The following SERPINE2 variants were observed in gnomAD, a reference collection of about 807,000 sequenced individuals.
SERPINE2 encodes the protein glia-derived nexin.
SERPINE2 carries 14 observed loss-of-function variants against 36.3 expected under a neutral mutation model. The ratio of observed to expected loss-of-function variants is 0.39; its 90% CI spans 0.25 to 0.60. SERPINE2 has a LOEUF of 0.60. Ranked by LOEUF, SERPINE2 falls within the 20% of genes least tolerant of loss-of-function variation. SERPINE2 has a pLI of 0.57. For synonymous variants in SERPINE2, 192 were observed against 191.8 expected (o/e 1.00, Z -0.01); for missense variants, 418 against 499.6 (o/e 0.84, Z 1.56).
At chr2:223,994,266 T>C (rs2106154088) in intron 3 of SERPINE2, among the ~76,000 whole-genome samples, 1 of 152,350 alleles carries the variant, frequency 6.6e-6, no homozygotes, top group East Asian at 1.9e-4. Flanking sequence ...TAGCACTACA[T>C]GGAGCATACA....
At chr2:224,028,372 C>T (rs767877594) in intron 1 of SERPINE2, among the ~76,000 whole-genome samples, 1 of 152,186 alleles carries the variant, frequency 6.6e-6, no homozygotes, top group Admixed American at 6.5e-5. Flanking sequence ...AAGTATTTTG[C>T]CTAAAGCCAC....
At chr2:224,022,205 G>A (rs1419502398) in intron 1 of SERPINE2, among the ~76,000 whole-genome samples, 3 of 147,708 alleles carry the variant, frequency 2.0e-5, no homozygotes, top group Non-Finnish European at 4.5e-5. Context: ...GGCGGCTCAC[G>A]TCTGTAGTAC....
intron 2 of SERPINE2, 89 bp downstream of exon 2, chr2:224,001,553 G>A: frequency 6.9e-7 from 1 of 1,459,678 alleles, no homozygotes; most frequent in Non-Finnish European, 9.2e-7. Context: ...TCTGCTTCTT[G>A]GGGTTGTCAG....
At chr2:223,984,204 A>G (rs1199726355) in intron 5 of SERPINE2, among the ~76,000 whole-genome samples, 1 of 152,208 alleles carries the variant, frequency 6.6e-6, no homozygotes. Flanking sequence ...CTGTTAGAAC[A>G]TGAAGATTCA....
intron 8 of SERPINE2, among the ~76,000 whole-genome samples, chr2:223,976,516 G>A (rs1690014871): frequency 6.6e-6 from 1 of 152,216 alleles, no homozygotes; most frequent in Non-Finnish European, 1.5e-5. Flanking sequence ...TCATTGGCTG[G>A]CTCAGTTCTG....
intron 1 of SERPINE2, among the ~76,000 whole-genome samples, chr2:224,021,883 G>A (rs1177248706): frequency 6.6e-6 from 1 of 152,124 alleles, no homozygotes; most frequent in African/African-American, 2.4e-5. Context: ...AATTAGGCTG[G>A]GCGTGGTGGC....
At chr2:224,027,231 C>T (rs1049279175) in intron 1 of SERPINE2, among the ~76,000 whole-genome samples, 1 of 152,224 alleles carries the variant, frequency 6.6e-6, no homozygotes. Flanking sequence ...CCCCTAATCT[C>T]GCATAGGAGG....
At chr2:223,991,665 G>A (rs1490475937) in intron 4 of SERPINE2, 138 bp downstream of exon 4, 10 of 836,158 alleles carry the variant, frequency 1.2e-5, no homozygotes, top group Non-Finnish European at 1.9e-5. Flanking sequence ...TAAAAATCCT[G>A]CCTCTCAGCA....
intron 1 of SERPINE2, among the ~76,000 whole-genome samples, chr2:224,036,338 A>G (rs1467449326): frequency 6.1e-5 from 5 of 81,742 alleles, no homozygotes; most frequent in Non-Finnish European, 7.5e-5. Flanking sequence ...CCAGGGATGG[A>G]AAAAAAAAAA....
chr2:224,031,556 T>A (rs1019613495), intron 1 of SERPINE2: 2 of 950,522 alleles, frequency 2.1e-6, no homozygotes, highest in Non-Finnish European at 2.5e-6. Context: ...GAAGGGCATG[T>A]GACCACGTGA....
At chr2:224,035,725 TTTC>T (rs1692513182) in intron 1 of SERPINE2, among the ~76,000 whole-genome samples, 1 of 152,142 alleles carries the variant, frequency 6.6e-6, no homozygotes, top group South Asian at 2.1e-4. Context: ...CATCTCCAGA[TTTC>T]TAAATATTAA....
chr2:223,977,491 T>C, intron 8 of SERPINE2, 53 bp downstream of exon 8: 3 of 1,159,922 alleles, frequency 2.6e-6, no homozygotes. Context: ...GAGTGCAATA[T>C]ACCTTTTGAA....
chr2:224,009,588 CA>C (rs1337964730), intron 1 of SERPINE2, among the ~76,000 whole-genome samples: 3 of 151,982 alleles, frequency 2.0e-5, no homozygotes, highest in African/African-American at 7.2e-5. Context: ...CCAGCTACTC[CA>C]GAGGCTGAGG....
chr2:224,034,421 TTACGGGA>T (rs1692471466), intron 1 of SERPINE2, among the ~76,000 whole-genome samples: 1 of 152,040 alleles, frequency 6.6e-6, no homozygotes, highest in Admixed American at 6.5e-5. Context: ...CCAGTGCAGT[TTACGGGA>T]GGTTCAGTTT....
chr2:223,977,437 CA>C, intron 8 of SERPINE2, 106 bp downstream of exon 8: 1 of 754,938 alleles, frequency 1.3e-6, no homozygotes, highest in Non-Finnish European at 2.4e-6. Flanking sequence ...CAACTATTGA[CA>C]TTAGGGAAAT....
chr2:224,026,815 C>T (rs1255868199), intron 1 of SERPINE2, among the ~76,000 whole-genome samples: 6 of 152,196 alleles, frequency 3.9e-5, no homozygotes, highest in African/African-American at 1.2e-4. Flanking sequence ...ATATTTAATG[C>T]TTCACACCTT....
intron 1 of SERPINE2, among the ~76,000 whole-genome samples, chr2:224,036,185 G>A (rs1286758495): frequency 2.6e-5 from 4 of 152,052 alleles, no homozygotes; most frequent in Non-Finnish European, 5.9e-5. Context: ...TCTGGGACTC[G>A]CTTCATATTG....
At chr2:223,976,789 T>C (rs1447428655) in intron 8 of SERPINE2, among the ~76,000 whole-genome samples, 1 of 152,254 alleles carries the variant, frequency 6.6e-6, no homozygotes, top group Non-Finnish European at 1.5e-5. Flanking sequence ...AAATCTACTG[T>C]ATTAACAATT....
intron 8 of SERPINE2, among the ~76,000 whole-genome samples, 175 bp from the exon 9 acceptor site, chr2:223,976,079 G>A (rs12468379): frequency 0.016 from 2,438 of 152,290 alleles, 53 homozygotes; most frequent in Middle Eastern, 0.092. Flanking sequence ...TGTCTAGCAT[G>A]GTAGCCACTA....
Sources: allele counts gnomAD v4.1 joint callset (sites outside exome capture counted in the v4.1 genomes callset), GRCh38; gene constraint gnomAD v4.1.1; transcripts MANE v1.5; gene names NCBI Gene and HGNC (gene_info 2026-07-23, HGNC 2026-07-21).